The following FMN1 variants were observed in gnomAD, a reference collection of about 807,000 sequenced individuals.
The protein encoded by FMN1 is formin-1.
Under a neutral mutation model 132.4 loss-of-function variants are expected in FMN1, and 110 were observed. That is an observed-to-expected ratio of 0.83 (90% CI 0.71 to 0.97). The LOEUF is 0.97. Ranked by LOEUF, FMN1 falls within the 50% of genes least tolerant of loss-of-function variation. The pLI is 0.00. For synonymous variants in FMN1, 722 were observed against 651.7 expected (o/e 1.11, Z -1.64); for missense variants, 1,792 against 1,705.3 (o/e 1.05, Z -0.90).
rs2057587128 is a variant in FMN1, at chr15:32,804,386, T to C, written c.3929-54A>G. 4.3e-6 allele frequency: 4 copies of C among 935,154 alleles called. No individual in the cohort carries two copies. The Admixed American group carries it at 7.6e-5, about 18-fold the overall frequency. The allele number at this position is 935,154 out of a possible 1,614,324, so 57.9% of individuals were successfully genotyped here. A position where few individuals can be genotyped will look rare whatever the true frequency, so the allele number is the denominator to read the frequency against. ...TTTTTCTTCTGTTGTCTCCTTTGCG[T>C]AATCTTACAGCTTCAATTACACCCA... On this transcript the variant is annotated intron_variant, in intron 17 of 20. Coordinates refer to ENST00000616417, the MANE Select transcript of FMN1 (RefSeq NM_001277313.2).
chr15:32,787,681 A>G (rs565506769), intron 19 of FMN1, among the ~76,000 whole-genome samples: 1 of 152,146 alleles, frequency 6.6e-6, no homozygotes, highest in South Asian at 2.1e-4. Flanking sequence ...GACCCTCTCA[A>G]CTAAAAAATG....
At chr15:32,919,938 T>C (rs776834372) in intron 10 of FMN1, among the ~76,000 whole-genome samples, 11 of 152,206 alleles carry the variant, frequency 7.2e-5, no homozygotes, top group Non-Finnish European at 1.3e-4. Context: ...TTTGTACACT[T>C]TGAACTGAGA....
At position 32,840,329 on chromosome 15, in the gene FMN1, G is replaced by A. The variant is rs1367130989; in HGVS notation, c.3928+16686C>T. 2.0e-5 allele frequency among the ~76,000 whole-genome samples: 3 copies of A among 152,268 alleles called. No homozygotes were observed. In the East Asian group the frequency reaches 5.8e-4, roughly 29 times the overall value. Reference sequence around the variant, plus strand: ...GTGAGGACTAAGTCACTTCAAGGATGATCATATTCCCAGGAGGAGCCATGA... The same window carrying A: ...GTGAGGACTAAGTCACTTCAAGGATAATCATATTCCCAGGAGGAGCCATGA... On this transcript the variant is annotated intron_variant, in intron 17 of 20. Coordinates refer to ENST00000616417, the MANE Select transcript of FMN1 (RefSeq NM_001277313.2).
intron 6 of FMN1, chr15:33,013,165 G>C: frequency 2.7e-6 from 1 of 369,060 alleles, no homozygotes; most frequent in South Asian, 2.3e-5. Context: ...GCAAAGCACA[G>C]TGGTGGCACA....
At chr15:32,958,251 T>C (rs2030057922) in intron 9 of FMN1, among the ~76,000 whole-genome samples, 1 of 152,162 alleles carries the variant, frequency 6.6e-6, no homozygotes, top group Non-Finnish European at 1.5e-5. Context: ...TTTTTAATAA[T>C]GGCTACTCTC....
intron 4 of FMN1, among the ~76,000 whole-genome samples, chr15:33,127,845 T>G (rs1055933983): frequency 1.3e-5 from 2 of 152,098 alleles, no homozygotes; most frequent in Non-Finnish European, 2.9e-5. Flanking sequence ...ATTCTGTTGG[T>G]AAGAGAGAAG....
rs1216796771 is a variant in FMN1 at position 32,874,238 on chromosome 15, G to A, written c.3835+13934C>T. ...GGATTTCGCTATGTTGGTCAGGCTG[G>A]TCTCAAACTCCTGACCTCGTGATCT... is the stretch of plus-strand genomic sequence containing the variant. On this transcript the variant is annotated intron_variant, in intron 16 of 20. Transcript: ENST00000616417. 2.6e-5 allele frequency among the ~76,000 whole-genome samples: 4 copies of A among 151,756 alleles called. No individual in the cohort carries two copies. The South Asian group carries it at 6.3e-4, about 24-fold the overall frequency.
At chr15:33,006,754 C>A (rs2034439019) in intron 7 of FMN1, among the ~76,000 whole-genome samples, 1 of 151,924 alleles carries the variant, frequency 6.6e-6, no homozygotes, top group Non-Finnish European at 1.5e-5. Context: ...ATGGATGAAC[C>A]TAGAGAACAT....
chr15:33,096,662 C>T (rs978635190), intron 4 of FMN1, among the ~76,000 whole-genome samples: 5 of 151,534 alleles, frequency 3.3e-5, no homozygotes, highest in Admixed American at 2.6e-4. Flanking sequence ...TGCTGTGGTG[C>T]GATCCTGGAT....
chr15:33,012,671 T>C, intron 6 of FMN1: 1 of 834,126 alleles, frequency 1.2e-6, no homozygotes, highest in Admixed American at 1.7e-5. Context: ...AAGCAAGAGA[T>C]GGCTAGTGCT....
chr15:32,827,426 TGTC>T (rs1355646056), intron 17 of FMN1, among the ~76,000 whole-genome samples: 1 of 152,252 alleles, frequency 6.6e-6, no homozygotes. Flanking sequence ...CAAGGAATCT[TGTC>T]GTTCTAGATG....
chr15:32,873,069 ACT>A (rs939371192), intron 16 of FMN1, among the ~76,000 whole-genome samples: 2 of 152,206 alleles, frequency 1.3e-5, no homozygotes, highest in African/African-American at 2.4e-5. Context: ...TCAGTTTGCC[ACT>A]GTCTTCAGAT....
intron 4 of FMN1, among the ~76,000 whole-genome samples, chr15:33,147,040 C>T (rs1184712882): frequency 6.6e-6 from 1 of 151,828 alleles, no homozygotes; most frequent in African/African-American, 2.4e-5. Flanking sequence ...AGATGCACAC[C>T]TGTAATCCCA....
At chr15:32,990,834 G>C (rs377399516) in intron 7 of FMN1, among the ~76,000 whole-genome samples, 13 of 152,254 alleles carry the variant, frequency 8.5e-5, no homozygotes, top group African/African-American at 3.1e-4. Flanking sequence ...TGAGAGTCAA[G>C]CAAAGGGAGA....
intron 4 of FMN1, among the ~76,000 whole-genome samples, chr15:33,117,516 T>G (rs762024695): frequency 2.2e-4 from 33 of 152,236 alleles, no homozygotes; most frequent in Admixed American, 9.2e-4. Context: ...AACCTTAATA[T>G]GCTTTTGGAA....
chr15:33,168,929 G>A (rs1356150092), intron 3 of FMN1, among the ~76,000 whole-genome samples: 1 of 152,208 alleles, frequency 6.6e-6, no homozygotes, highest in African/African-American at 2.4e-5. Context: ...GCCGCCTTGG[G>A]ATGAACAATA....
Position 32,872,948 on chromosome 15 carries a change from AG to A in FMN1, c.3835+15223del, listed in dbSNP as rs1283323495. On this transcript the variant is annotated intron_variant, in intron 16 of 20. Coordinates refer to ENST00000616417, the MANE Select transcript of FMN1 (RefSeq NM_001277313.2). ...TAAAGAGAAGAGAGGGAAAAAAAAA[AG>A]GATGGAAAGTTATTTTTAAAACACA... Among the ~76,000 whole-genome samples the A allele has an allele frequency of 3.9e-5, 6 of 152,120 alleles. No individual in the cohort carries two copies. In the East Asian group the frequency reaches 1.2e-3, roughly 29 times the overall value.
intron 17 of FMN1, among the ~76,000 whole-genome samples, chr15:32,826,281 GCTCTCCAGGGAGAGTGGAAGA>G (rs968410219): frequency 1.3e-5 from 2 of 152,134 alleles, no homozygotes; most frequent in Admixed American, 6.5e-5. Flanking sequence ...TAGAGAAGCA[GCTCTCCAGGGAGAGTGGAAGA>G]CTCTCCAGGG....
intron 7 of FMN1, among the ~76,000 whole-genome samples, chr15:33,000,075 T>C (rs2034004413): frequency 6.6e-6 from 1 of 152,060 alleles, no homozygotes; most frequent in African/African-American, 2.4e-5. Context: ...CCTAAACACA[T>C]TGCTCCACAG....
Sources: gnomAD v4.1 joint callset for allele counts (sites outside exome capture counted in the v4.1 genomes callset) on GRCh38, gnomAD v4.1.1 for gene constraint, MANE v1.5 for transcripts, NCBI Gene and HGNC (gene_info 2026-07-23, HGNC 2026-07-21) for gene names.